CHRM5: variants seen among roughly 807,000 people sequenced by gnomAD.
CHRM5 encodes muscarinic acetylcholine receptor M5.
Under a neutral mutation model 39.0 loss-of-function variants are expected in CHRM5, and 18 were observed. That is an observed-to-expected ratio of 0.46 (90% CI 0.32 to 0.68). The LOEUF (loss-of-function observed/expected upper bound fraction) is 0.68. Among genes scored for constraint, CHRM5 ranks in the 30% least tolerant of loss-of-function variants. The pLI, the probability that CHRM5 is intolerant of heterozygous loss-of-function variation, is 0.04. For missense variants in CHRM5, 515 were observed against 651.1 expected, an observed-to-expected ratio of 0.79 and a Z score of 2.28; for synonymous variants, 241 against 246.3, an observed-to-expected ratio of 0.98 and a Z score of 0.20.
At chr15:33,977,655 T>C (rs1253040020) in intron 1 of CHRM5, among the ~76,000 whole-genome samples, 1 of 152,202 alleles carries the variant, frequency 6.6e-6, no homozygotes, top group African/African-American at 2.4e-5. Flanking sequence ...ATTTTGAACC[T>C]TGAAATTCTG....
intron 1 of CHRM5, among the ~76,000 whole-genome samples, chr15:33,987,106 C>G (rs1350415007): frequency 1.3e-5 from 2 of 152,180 alleles, no homozygotes; most frequent in Non-Finnish European, 2.9e-5. Context: ...AATTCATTAG[C>G]ATTAATTCCA....
At position 33,977,742 on chromosome 15, in the gene CHRM5, AG is replaced by A. The variant is rs550916349; in HGVS notation, c.-408+8593del. Among the ~76,000 whole-genome samples, 1,077 of 152,264 alleles carry A rather than the reference AG, an allele frequency of 7.1e-3. 20 individuals carry two copies. The highest frequency in any genetic ancestry group is 5.6e-3 in the Non-Finnish European group (379 of 68,014). On this transcript the variant is annotated intron_variant, in intron 1 of 2. Transcript: ENST00000383263. ...CAATAATATGGTCTCAGAGCAAGTA[AG>A]TCCTCCCTGGCAAAACAGCCAGGTT...
intron 2 of CHRM5, among the ~76,000 whole-genome samples, chr15:34,053,050 A>C (rs917526510): frequency 1.6e-4 from 25 of 152,032 alleles, no homozygotes; most frequent in Admixed American, 1.6e-3. Context: ...CTGTAATCCC[A>C]GCACTTTGGG....
chr15:34,025,750 G>C (rs1389347929), intron 1 of CHRM5, among the ~76,000 whole-genome samples: 2 of 151,802 alleles, frequency 1.3e-5, no homozygotes, highest in African/African-American at 4.8e-5. Context: ...GTTTTGGTTT[G>C]GTTTTGCGTG....
intron 1 of CHRM5, among the ~76,000 whole-genome samples, chr15:34,044,828 A>G (rs188044350): frequency 0.015 from 2,262 of 152,238 alleles, 65 homozygotes; most frequent in African/African-American, 0.051. Context: ...AGGCGGGAGG[A>G]TCATGAGGTC....
intron 2 of CHRM5, among the ~76,000 whole-genome samples, chr15:34,051,323 C>A (rs1399025311): frequency 1.3e-5 from 2 of 152,086 alleles, no homozygotes; most frequent in African/African-American, 4.8e-5. Flanking sequence ...ACCAAAATTT[C>A]TGGGATGCAG....
chr15:34,038,889 C>T (rs1341653158), intron 1 of CHRM5: 1 of 1,134,606 alleles, frequency 8.8e-7, no homozygotes. Flanking sequence ...GCCACGGCCA[C>T]GGCCCCGGCG....
At chr15:34,047,073 G>GTTT (rs56218206) in intron 2 of CHRM5, among the ~76,000 whole-genome samples, 2,535 of 145,134 alleles carry the variant, frequency 0.017, 89 homozygotes, top group African/African-American at 0.06. Context: ...TTTTTTGTTG[G>GTTT]TTTTTTTTTT....
chr15:34,018,202 A>T (rs1165816785), intron 1 of CHRM5: 3 of 152,232 alleles, frequency 2.0e-5, no homozygotes, highest in Non-Finnish European at 4.4e-5. Context: ...AGCTCCATGC[A>T]TTTTGCTGAC....
At chr15:34,040,991 T>C (rs1289057577) in intron 1 of CHRM5, among the ~76,000 whole-genome samples, 1 of 151,946 alleles carries the variant, frequency 6.6e-6, no homozygotes, top group African/African-American at 2.4e-5. Flanking sequence ...TATGGTTAAA[T>C]ATCTACCAGC....
chr15:34,024,846 G>A (rs1210460899), intron 1 of CHRM5, among the ~76,000 whole-genome samples: 1 of 142,862 alleles, frequency 7.0e-6, no homozygotes, highest in Non-Finnish European at 1.5e-5. Flanking sequence ...GGGCGACAAA[G>A]CAAGACTCCT....
intron 2 of CHRM5, among the ~76,000 whole-genome samples, chr15:34,056,085 T>C (rs935021820): frequency 1.3e-5 from 2 of 152,166 alleles, no homozygotes; most frequent in African/African-American, 4.8e-5. Flanking sequence ...CTGAGGGCTG[T>C]TTTCACTACA....
At chr15:33,980,785 T>C (rs1158395310) in intron 1 of CHRM5, among the ~76,000 whole-genome samples, 1 of 152,072 alleles carries the variant, frequency 6.6e-6, no homozygotes, top group Non-Finnish European at 1.5e-5. Flanking sequence ...AGTTCCCAAA[T>C]CCCATGTGTA....
At chr15:33,982,063 C>T (rs1237604468) in intron 1 of CHRM5, among the ~76,000 whole-genome samples, 2 of 151,466 alleles carry the variant, frequency 1.3e-5, no homozygotes, top group African/African-American at 2.4e-5. Context: ...GACAAGATTT[C>T]ACCACACTGG....
chr15:34,002,982 T>G (rs775704925), intron 1 of CHRM5: 8 of 1,443,516 alleles, frequency 5.5e-6, no homozygotes, highest in Non-Finnish European at 7.5e-6. Context: ...ATAAAATGTC[T>G]GTGCAACTTT....
At chr15:33,995,174 G>A (rs189595111) in intron 1 of CHRM5, among the ~76,000 whole-genome samples, 51 of 152,220 alleles carry the variant, frequency 3.4e-4, no homozygotes, top group Non-Finnish European at 6.0e-4. Flanking sequence ...TGGGGCAGGA[G>A]GATTGCTTGA....
At chr15:34,040,256 C>T (rs1180040628) in intron 1 of CHRM5, among the ~76,000 whole-genome samples, 3 of 151,988 alleles carry the variant, frequency 2.0e-5, no homozygotes, top group Admixed American at 2.0e-4. Flanking sequence ...ATTACAGTAC[C>T]GTGTTGCTGA....
intron 1 of CHRM5, among the ~76,000 whole-genome samples, chr15:33,975,652 C>T (rs974040914): frequency 2.0e-5 from 3 of 152,120 alleles, no homozygotes; most frequent in Admixed American, 6.6e-5. Flanking sequence ...CAGGTCCCAG[C>T]TGGGCACGGT....
At chr15:33,992,719 A>T (rs1484070952) in intron 1 of CHRM5, among the ~76,000 whole-genome samples, 2 of 152,222 alleles carry the variant, frequency 1.3e-5, no homozygotes, top group Non-Finnish European at 2.9e-5. Flanking sequence ...TTGTTGCCTC[A>T]TGGAAAGAAA....
Sources: gnomAD v4.1 joint callset for allele counts (sites outside exome capture counted in the v4.1 genomes callset) on GRCh38, gnomAD v4.1.1 for gene constraint, MANE v1.5 for transcripts, NCBI Gene and HGNC (gene_info 2026-07-23, HGNC 2026-07-21) for gene names.